ZNF724: variants seen among roughly 807,000 people sequenced by gnomAD.
The protein encoded by ZNF724 is zinc finger protein 724 pseudogene.
A neutral mutation model predicts 29.3 loss-of-function variants in ZNF724; 14 were observed. That is an observed-to-expected ratio of 0.48 (90% CI 0.32 to 0.75). The LOEUF is 0.75. ZNF724 is among the 30% of genes least tolerant of loss of function. The pLI is 0.04. For synonymous variants in ZNF724, 180 were observed against 193.6 expected (o/e 0.93, Z 0.58); for missense variants, 557 against 571.2 (o/e 0.98, Z 0.25).
chr19:23,222,384 C>G lies in ZNF724; in HGVS notation c.*1G>C. On this transcript the variant is annotated 3_prime_UTR_variant, in exon 4 of 4. Transcript: ENST00000418100. ...GAGCCACCACGCCTGGTCCATTTTT[C>G]TTATTTGTCAGATTTTTCTACAGCA... 9.1e-7 allele frequency: 1 copy of G among 1,101,040 alleles called. No individual in the cohort carries two copies. The highest frequency in any genetic ancestry group is 1.4e-6 in the Non-Finnish European group (1 of 733,916). 68.2% of individuals were successfully genotyped at this position (1,101,040 alleles called of 1,614,324 possible).
At position 23,242,726 on chromosome 19, in the gene ZNF724, GTAATAA is replaced by G. The variant is rs34763800; in HGVS notation, c.3+7508_3+7513del. ...GAGACTCCGTCTGAAAAAAGAAAAA[GTAATAA>G]TAATAATAATAATAATAATAATACA... On this transcript the variant is annotated intron_variant, in intron 1 of 3. Coordinates refer to ENST00000418100, the MANE Select transcript of ZNF724 (RefSeq NM_001355404.2). 98 of 142,710 alleles carry G rather than the reference GTAATAA, an allele frequency of 6.9e-4. 1 individual carries two copies. Among genetic ancestry groups the G allele is most frequent in the South Asian group, 5.3e-3 (24 of 4,542 alleles). The allele number at this position is 142,710 out of a possible 1,614,324, so 8.8% of individuals were successfully genotyped here.
At chr19:23,226,358 G>C (rs1400036183) in intron 3 of ZNF724, among the ~76,000 whole-genome samples, 1 of 152,064 alleles carries the variant, frequency 6.6e-6, no homozygotes, top group Non-Finnish European at 1.5e-5. Flanking sequence ...GCCCGAGAGA[G>C]GGTCTTTACG....
At chr19:23,238,357 T>TCAAAAAA (rs57894776) in intron 1 of ZNF724, among the ~76,000 whole-genome samples, 77,754 of 151,164 alleles carry the variant, frequency 0.51, 20,909 homozygotes, top group East Asian at 0.68. Context: ...AGACTCCACC[T>TCAAAAAA]CAAAAAACAA....
chr19:23,241,055 A>AC (rs59189024), intron 1 of ZNF724, among the ~76,000 whole-genome samples: 2,516 of 150,632 alleles, frequency 0.017, 72 homozygotes, highest in African/African-American at 0.053. Flanking sequence ...AACAACAACA[A>AC]AAAAAAAAGA....
intron 1 of ZNF724, among the ~76,000 whole-genome samples, chr19:23,238,373 A>AAAAAACC (rs1467726235): frequency 6.6e-6 from 1 of 152,074 alleles, no homozygotes; most frequent in Non-Finnish European, 1.5e-5. Context: ...AACAAAAAAC[A>AAAAAACC]AAAAAACCTT....
At chr19:23,226,950 C>A (rs1010303095) in intron 3 of ZNF724, among the ~76,000 whole-genome samples, 1 of 150,706 alleles carries the variant, frequency 6.6e-6, no homozygotes, top group East Asian at 1.9e-4. Flanking sequence ...AAAAAAAACA[C>A]ATAAAGAACT....
At chr19:23,235,080 C>G (rs1299226638) in intron 1 of ZNF724, among the ~76,000 whole-genome samples, 1 of 151,870 alleles carries the variant, frequency 6.6e-6, no homozygotes, top group East Asian at 1.9e-4. Flanking sequence ...CTGAATAAGT[C>G]TGCACTTCGA....
intron 1 of ZNF724, among the ~76,000 whole-genome samples, chr19:23,243,475 C>CAAAAAAAAAAAAAAAAAAAAAAAAAAAAA (rs61241201): frequency 6.4e-5 from 2 of 31,216 alleles, no homozygotes; most frequent in African/African-American, 1.5e-4. Context: ...GAGTCCATCT[C>CAAAAAAAAAAAAAAAAAAAAAAAAAAAAA]AAAAAAAAAA....
chr19:23,245,917 C>G (rs979739790), intron 1 of ZNF724, among the ~76,000 whole-genome samples: 1 of 152,164 alleles, frequency 6.6e-6, no homozygotes, highest in Admixed American at 6.5e-5. Flanking sequence ...TTAACTGCAT[C>G]TGTCTGTGGG....
intron 1 of ZNF724, among the ~76,000 whole-genome samples, chr19:23,245,586 C>T (rs1253805995): frequency 1.3e-5 from 2 of 151,772 alleles, no homozygotes; most frequent in African/African-American, 2.4e-5. Context: ...GCACTCCAGA[C>T]CTGGGCAGCA....
chr19:23,221,705 G>C lies in ZNF724; in HGVS notation c.*680C>G, dbSNP rs1010577632. 1 of 152,202 alleles carries C rather than the reference G, an allele frequency of 6.6e-6. No individual in the cohort carries two copies. The highest frequency in any genetic ancestry group is 2.4e-5 in the African/African-American group (1 of 41,318). 9.4% of individuals were successfully genotyped at this position (152,202 alleles called of 1,614,324 possible). Reference sequence around the variant, plus strand: ...AAGCGATTCTCCTGTCTCAACCACCGAGTAGCTGGGATTAGTCATGCACTA... The same window carrying C: ...AAGCGATTCTCCTGTCTCAACCACCCAGTAGCTGGGATTAGTCATGCACTA... On this transcript the variant is annotated 3_prime_UTR_variant, in exon 4 of 4. Coordinates refer to ENST00000418100, the MANE Select transcript of ZNF724 (RefSeq NM_001355404.2).
intron 1 of ZNF724, among the ~76,000 whole-genome samples, chr19:23,245,555 G>C (rs189338769): frequency 2.1e-4 from 32 of 152,122 alleles, no homozygotes; most frequent in African/African-American, 7.7e-4. Flanking sequence ...GGGGCTTGCA[G>C]TGAGCAGAGA....
intron 1 of ZNF724, among the ~76,000 whole-genome samples, chr19:23,247,845 G>A (rs1395165939): frequency 6.6e-6 from 1 of 152,154 alleles, no homozygotes; most frequent in African/African-American, 2.4e-5. Context: ...TTCAAAGGAA[G>A]AATACACCAG....
intron 1 of ZNF724, among the ~76,000 whole-genome samples, chr19:23,247,522 G>C (rs1972262123): frequency 6.6e-6 from 1 of 151,610 alleles, no homozygotes; most frequent in Non-Finnish European, 1.5e-5. Flanking sequence ...CCAATCCCTG[G>C]AGAGATTTTC....
chr19:23,241,263 G>C (rs1972118943), intron 1 of ZNF724, among the ~76,000 whole-genome samples: 1 of 151,956 alleles, frequency 6.6e-6, no homozygotes, highest in Non-Finnish European at 1.5e-5. Flanking sequence ...TAGTAAATAG[G>C]CTACCAACTA....
intron 2 of ZNF724, 53 bp downstream of exon 2, chr19:23,232,114 A>C: frequency 2.5e-6 from 3 of 1,221,136 alleles, no homozygotes; most frequent in Middle Eastern, 1.9e-4. Context: ...CTACAAAAAA[A>C]CAAACGAAAT....
chr19:23,229,498 C>T (rs1040275358), intron 3 of ZNF724, among the ~76,000 whole-genome samples: 1 of 152,204 alleles, frequency 6.6e-6, no homozygotes. Flanking sequence ...GAAAGCCATA[C>T]TCATTCACAT....
chr19:23,245,094 T>C (rs1972213272), intron 1 of ZNF724, among the ~76,000 whole-genome samples: 1 of 152,186 alleles, frequency 6.6e-6, no homozygotes, highest in Non-Finnish European at 1.5e-5. Context: ...CACATCCCAT[T>C]ATGACTTAGA....
At chr19:23,233,551 T>A (rs1414221172) in intron 1 of ZNF724, among the ~76,000 whole-genome samples, 1 of 152,148 alleles carries the variant, frequency 6.6e-6, no homozygotes, top group Non-Finnish European at 1.5e-5. Flanking sequence ...ATACTGCAGA[T>A]CATAAATTAA....
Sources: allele counts gnomAD v4.1 joint callset (sites outside exome capture counted in the v4.1 genomes callset), GRCh38; gene constraint gnomAD v4.1.1; transcripts MANE v1.5; gene names NCBI Gene and HGNC (gene_info 2026-07-23, HGNC 2026-07-21).